CUL4A: variants seen among roughly 807,000 people sequenced by gnomAD.
CUL4A encodes the protein cullin 4A, also known as cullin-4A.
Under a neutral mutation model 95.5 loss-of-function variants are expected in CUL4A, and 16 were observed. The observed-to-expected ratio is 0.17, with a 90% CI of 0.11 to 0.25. The LOEUF is 0.25. CUL4A is among the 10% of genes least tolerant of loss of function. The probability of loss-of-function intolerance (pLI) is 1.00; values close to 1 mark genes in which losing one functional copy is unlikely to be tolerated. For synonymous variants in CUL4A, 380 were observed against 353.1 expected, an observed-to-expected ratio of 1.08 and a Z score of -0.85; for missense variants, 610 against 937.0, an observed-to-expected ratio of 0.65 and a Z score of 4.56.
chr13:113,250,160 A>G (rs1327337737), intron 15 of CUL4A, among the ~76,000 whole-genome samples: 1 of 152,172 alleles, frequency 6.6e-6, no homozygotes, highest in Non-Finnish European at 1.5e-5. Context: ...CCAAATCAAG[A>G]TCACAAAAAA....
Position 113,264,387 on chromosome 13 carries a change from T to C in CUL4A, c.*805T>C, listed in dbSNP as rs1299077741. The C allele has an allele frequency of 2.6e-5, 4 of 151,928 alleles. No individual in the cohort carries two copies. Among genetic ancestry groups the C allele is most frequent in the Non-Finnish European group, 5.9e-5 (4 of 68,036 alleles). The allele number at this position is 151,928 out of a possible 1,614,324, so 9.4% of individuals were successfully genotyped here. On this transcript the variant is annotated 3_prime_UTR_variant, in exon 20 of 20. Coordinates refer to ENST00000375440, the MANE Select transcript of CUL4A (RefSeq NM_001008895.4). ...ATTTTTTTTAATTGCAGTATTTGTG[T>C]GATTGCAATAATAAAGTTTGGTTTG...
At position 113,260,706 on chromosome 13, in the gene CUL4A, G is replaced by C; in HGVS notation, c.2131G>C (p.Gly711Arg). ...AATAATGAAGATGAGAAAGACTCTT[G>C]GTCATAATCTTCTAGTTTCTGAATT... The part of the protein sequence containing the change: ...VRIMKMRKTL[G>R]HNLLVSELYN... Residue 711 changes from glycine (G) to arginine (R), a missense_variant, in exon 19 of 20, where the codon GGT (glycine) becomes CGT (arginine). This residue lies in a region of CUL4A where 28 missense variants were observed against 86.4 expected (regional missense o/e 0.32). Coordinates refer to ENST00000375440, the MANE Select transcript of CUL4A (RefSeq NM_001008895.4). 6.2e-7 allele frequency: 1 copy of C among 1,607,748 alleles called. No homozygotes were observed. The highest frequency in any genetic ancestry group is 8.5e-7 in the Non-Finnish European group (1 of 1,176,614).
rs957762547 is a variant in CUL4A, at chr13:113,265,296, G to T, written c.*1714G>T. 6.6e-6 allele frequency: 1 copy of T among 152,306 alleles called. No homozygotes were observed. Among genetic ancestry groups the T allele is most frequent in the Non-Finnish European group, 1.5e-5 (1 of 68,086 alleles). The allele number at this position is 152,306 out of a possible 1,614,324, so 9.4% of individuals were successfully genotyped here. The stretch of plus-strand genomic sequence containing the variant: ...TTGAGCACAGTGGCTCACGCCTGTA[G>T]TCCCAGCTATGGGAGGGCAAGGTGG... On this transcript the variant is annotated 3_prime_UTR_variant, in exon 20 of 20. Coordinates refer to ENST00000375440, the MANE Select transcript of CUL4A (RefSeq NM_001008895.4).
At chr13:113,209,499 G>C (rs912137291), upstream of CUL4A, 9 of 490,966 alleles carry the variant, frequency 1.8e-5, no homozygotes, top group Non-Finnish European at 2.1e-5. Flanking sequence ...GGTTGGGCTC[G>C]GGCACGCGGG....
At chr13:113,232,227 ACTACCCGC>A in intron 5 of CUL4A, among the ~76,000 whole-genome samples, 1 of 15,210 alleles carries the variant, frequency 6.6e-5, no homozygotes, top group African/African-American at 1.8e-4. Context: ...TGCTGCCACC[ACTACCCGC>A]CCACCACCAT....
chr13:113,208,834 C>T (rs561335158), upstream of CUL4A: 2 of 1,408,278 alleles, frequency 1.4e-6, no homozygotes, highest in Non-Finnish European at 1.8e-6. Flanking sequence ...TGCCGGGGCC[C>T]CGTCCTCTCA....
At position 113,244,481 on chromosome 13, in the gene CUL4A, G is replaced by A; in HGVS notation, c.1300G>A (p.Asp434Asn). The change falls in exon 12 of 20, where the codon GAC becomes AAC. Residue 434 changes from aspartate to asparagine, a missense_variant. Asp to Asn is a conservative substitution (Grantham distance 23). Coordinates refer to ENST00000375440, the MANE Select transcript of CUL4A (RefSeq NM_001008895.4). ...AGACGAGGAGCTGGAGCGGACGTTG[G>A]ACAAGATCATGATCCTGTTCAGGTT... ...ATDEELERTL[D>N]KIMILFRFIH... The A allele has an allele frequency of 6.2e-7, 1 of 1,613,366 alleles. No individual in the cohort carries two copies. The highest frequency in any genetic ancestry group is 8.5e-7 in the Non-Finnish European group (1 of 1,179,710).
At chr13:113,240,992 C>T (rs569876167) in intron 10 of CUL4A, among the ~76,000 whole-genome samples, 7 of 152,142 alleles carry the variant, frequency 4.6e-5, no homozygotes, top group African/African-American at 1.4e-4. Context: ...TAAAGATTTC[C>T]GTTAAATAAA....
chr13:113,235,986 AG>A lies in CUL4A; in HGVS notation c.849-836del, dbSNP rs776710914. ...ACTCCGTCTCAAAAAAAAAAAAAAAAGAAAATGATACAGTGTGCAGAACTGG... is the reference window on the plus strand; with the variant it reads ...ACTCCGTCTCAAAAAAAAAAAAAAAAAAAATGATACAGTGTGCAGAACTGG... On this transcript the variant is annotated intron_variant, in intron 8 of 19. Transcript: ENST00000375440. Among the ~76,000 whole-genome samples the A allele has an allele frequency of 5.6e-4, 85 of 150,830 alleles. 4 individuals are homozygous for A. The highest frequency in any genetic ancestry group is 1.6e-3 in the East Asian group (8 of 5,124).
At chr13:113,212,756 G>A (rs937118236) in intron 2 of CUL4A, among the ~76,000 whole-genome samples, 1 of 152,206 alleles carries the variant, frequency 6.6e-6, no homozygotes, top group Non-Finnish European at 1.5e-5. Flanking sequence ...CTGTACTCCA[G>A]CCTGAGCAAC....
At chr13:113,261,075 A>G (rs2042263120) in intron 19 of CUL4A, among the ~76,000 whole-genome samples, 1 of 152,238 alleles carries the variant, frequency 6.6e-6, no homozygotes, top group Non-Finnish European at 1.5e-5. Context: ...TCAAGGTTAC[A>G]TCACAAGATT....
intron 16 of CUL4A, among the ~76,000 whole-genome samples, chr13:113,253,936 C>G (rs1332646423): frequency 6.6e-6 from 1 of 152,132 alleles, no homozygotes; most frequent in African/African-American, 2.4e-5. Context: ...GTTATACATA[C>G]CTACTTTATT....
chr13:113,216,752 A>G (rs111414246), intron 2 of CUL4A, among the ~76,000 whole-genome samples: 14 of 152,222 alleles, frequency 9.2e-5, no homozygotes, highest in African/African-American at 3.4e-4. Context: ...TGCTGCTTCT[A>G]TAACAGCACA....
At chr13:113,250,075 A>G (rs1403066042) in intron 15 of CUL4A, among the ~76,000 whole-genome samples, 6 of 152,170 alleles carry the variant, frequency 3.9e-5, no homozygotes, top group Non-Finnish European at 7.3e-5. Flanking sequence ...TGCTTCTACA[A>G]AAGTTTTTAA....
rs1349278574 is a variant in CUL4A at position 113,266,648 on chromosome 13, T to G, written c.*3066T>G. ...TTCCTGGAACAAGAAAGTCCACAAA[T>G]AAGCCAAATACACAGGAACTCGGCG... On this transcript the variant is annotated 3_prime_UTR_variant, in exon 20 of 20. Coordinates refer to ENST00000375440, the MANE Select transcript of CUL4A (RefSeq NM_001008895.4). 2.6e-5 allele frequency: 4 copies of G among 152,132 alleles called. No homozygotes were observed. Among genetic ancestry groups the G allele is most frequent in the Non-Finnish European group, 5.9e-5 (4 of 68,004 alleles). The allele number at this position is 152,132 out of a possible 1,614,324, so 9.4% of individuals were successfully genotyped here.
At position 113,224,893 on chromosome 13, in the gene CUL4A, C is replaced by T. The variant is rs564285240; in HGVS notation, c.369-3083C>T. ...TGGATGAATGAGGGTCGGCCTAGGG[C>T]TGTCCCCTCGCGGTCTGTCCGGTCT... On this transcript the variant is annotated intron_variant, in intron 3 of 19. Coordinates refer to ENST00000375440, the MANE Select transcript of CUL4A (RefSeq NM_001008895.4). Among the ~76,000 whole-genome samples, 5 of 152,338 alleles carry T rather than the reference C, an allele frequency of 3.3e-5. No homozygotes were observed. In the East Asian group the frequency reaches 9.6e-4, roughly 29 times the overall value.
chr13:113,257,642 C>T (rs2042163146), intron 18 of CUL4A, among the ~76,000 whole-genome samples: 1 of 152,152 alleles, frequency 6.6e-6, no homozygotes, highest in South Asian at 2.1e-4. Flanking sequence ...GAGGGACCTG[C>T]CCCCACCCAC....
At chr13:113,247,282 ACT>A (rs1218780268) in intron 15 of CUL4A, among the ~76,000 whole-genome samples, 1 of 152,062 alleles carries the variant, frequency 6.6e-6, no homozygotes, top group Non-Finnish European at 1.5e-5. Context: ...AGACCCCCAA[ACT>A]CTTATCAATG....
At chr13:113,233,020 G>C in intron 5 of CUL4A, 157 bp from the exon 6 acceptor site, 1 of 757,058 alleles carries the variant, frequency 1.3e-6, no homozygotes, top group Admixed American at 3.0e-5. Context: ...GACTGGCTGA[G>C]AAACAGAAGT....
Sources: gnomAD v4.1 joint callset for allele counts (sites outside exome capture counted in the v4.1 genomes callset) on GRCh38, gnomAD v4.1.1 for gene constraint, gnomAD v4.1.1 regional missense constraint, MANE v1.5 for transcripts, NCBI Gene and HGNC (gene_info 2026-07-23, HGNC 2026-07-21) for gene names.